Variants in CAPN8 observed in about 807,000 individuals in gnomAD.
CAPN8 encodes the protein calpain-8.
A neutral mutation model predicts 80.9 loss-of-function variants in CAPN8; 87 were observed. That is an observed-to-expected ratio of 1.07 (90% CI 0.90 to 1.28). The LOEUF (loss-of-function observed/expected upper bound fraction) is 1.28. CAPN8 is among the 50% of genes most tolerant of loss of function. The pLI, the probability that CAPN8 is intolerant of heterozygous loss-of-function variation, is 0.00. For missense variants in CAPN8, 757 were observed against 702.0 expected, an observed-to-expected ratio of 1.08 and a Z score of -0.89; for synonymous variants, 299 against 273.8, an observed-to-expected ratio of 1.09 and a Z score of -0.91.
At chr1:223,543,347 A>G (rs945271410) in intron 19 of CAPN8, among the ~76,000 whole-genome samples, 181 bp from the exon 20 acceptor site, 3 of 151,756 alleles carry the variant, frequency 2.0e-5, no homozygotes, top group Admixed American at 6.6e-5. Flanking sequence ...AGGGCACACA[A>G]TGAGCTTTTG....
At chr1:223,633,918 AG>A (rs923009316) in intron 2 of CAPN8, among the ~76,000 whole-genome samples, 4 of 152,232 alleles carry the variant, frequency 2.6e-5, no homozygotes, top group African/African-American at 7.2e-5. Flanking sequence ...GAAAGAAGAA[AG>A]GTCAGACATC....
chr1:223,557,323 G>T (rs1012880000), intron 13 of CAPN8, among the ~76,000 whole-genome samples: 9 of 152,376 alleles, frequency 5.9e-5, no homozygotes, highest in African/African-American at 2.2e-4. Flanking sequence ...TTCAGCCGAA[G>T]ATGCCACGCC....
In CAPN8 at chr1:223,630,745, G is replaced by GCTATCAACCTAAT. The variant is rs543607035; in HGVS notation, c.308-1966_308-1965insATTAGGTTGATAG. 3.6e-3 allele frequency among the ~76,000 whole-genome samples: 545 copies of GCTATCAACCTAAT among 152,276 alleles called. 3 individuals are homozygous for GCTATCAACCTAAT. Among genetic ancestry groups the GCTATCAACCTAAT allele is most frequent in the South Asian group, 0.013 (61 of 4,822 alleles). On this transcript the variant is annotated intron_variant, in intron 2 of 20. Transcript: ENST00000366872. ...AACACTATCTTCCTAATGGCAACAG[G>GCTATCAACCTAAT]GCTCCTAGGTGAGACTAGACCTGGT... is the stretch of plus-strand genomic sequence containing the variant.
intron 18 of CAPN8, 21 bp from the exon 19 acceptor site, chr1:223,544,204 G>A (rs746234445): frequency 9.8e-6 from 7 of 716,952 alleles, no homozygotes; most frequent in Admixed American, 2.0e-5. Context: ...AGGGAGCCTG[G>A]GTCACAGGTA....
intron 14 of CAPN8, among the ~76,000 whole-genome samples, chr1:223,551,543 T>A (rs893371415): frequency 2.0e-5 from 3 of 152,320 alleles, no homozygotes; most frequent in Middle Eastern, 3.4e-3. Context: ...GTGCCATGAG[T>A]GTGGTACACA....
intron 10 of CAPN8, among the ~76,000 whole-genome samples, chr1:223,613,298 GTCAT>G (rs1657082706): frequency 6.6e-6 from 1 of 152,252 alleles, no homozygotes; most frequent in African/African-American, 2.4e-5. Flanking sequence ...CAGGGTCACA[GTCAT>G]TCCTCTAATT....
At chr1:223,554,923 G>T (rs1260955450) in intron 13 of CAPN8, among the ~76,000 whole-genome samples, 1 of 152,210 alleles carries the variant, frequency 6.6e-6, no homozygotes, top group Non-Finnish European at 1.5e-5. Context: ...GCCCAAAATA[G>T]GACAATGCCC....
chr1:223,621,522 G>T (rs937161705), intron 7 of CAPN8, among the ~76,000 whole-genome samples: 4 of 152,054 alleles, frequency 2.6e-5, no homozygotes, highest in African/African-American at 7.2e-5. Context: ...TCAATTTCAC[G>T]TGGCCCTGTC....
At chr1:223,631,803 C>T (rs1182477507) in intron 2 of CAPN8, among the ~76,000 whole-genome samples, 2 of 152,172 alleles carry the variant, frequency 1.3e-5, no homozygotes, top group Non-Finnish European at 2.9e-5. Context: ...GTAGGGCAAG[C>T]ACAGAAGCCC....
intron 2 of CAPN8, among the ~76,000 whole-genome samples, chr1:223,652,642 C>T (rs1458365941): frequency 1.1e-4 from 16 of 152,134 alleles, no homozygotes. Context: ...CCCACCCTGA[C>T]GCTCTGGGTT....
At chr1:223,647,266 A>T (rs142241545) in intron 2 of CAPN8, among the ~76,000 whole-genome samples, 14 of 152,352 alleles carry the variant, frequency 9.2e-5, no homozygotes, top group Non-Finnish European at 1.8e-4. Flanking sequence ...CCCCAAACTC[A>T]TTATGCTAAA....
At chr1:223,648,770 T>A (rs1658263483) in intron 2 of CAPN8, among the ~76,000 whole-genome samples, 1 of 152,014 alleles carries the variant, frequency 6.6e-6, no homozygotes, top group African/African-American at 2.4e-5. Flanking sequence ...GAAAAAGACA[T>A]CCATTTCATA....
At chr1:223,625,648 G>T (rs529755862) in intron 6 of CAPN8, among the ~76,000 whole-genome samples, 157 bp downstream of exon 6, 1 of 152,260 alleles carries the variant, frequency 6.6e-6, no homozygotes, top group South Asian at 2.1e-4. Context: ...GGTGTCAGGG[G>T]TTCTGTACAG....
At chr1:223,620,725 C>T (rs746825348) in intron 7 of CAPN8, among the ~76,000 whole-genome samples, 1 of 152,124 alleles carries the variant, frequency 6.6e-6, no homozygotes, top group Non-Finnish European at 1.5e-5. Context: ...GTCTAACCAG[C>T]TCTGGGGACA....
Position 223,625,770 on chromosome 1 carries a change from A to G in CAPN8, c.813+35T>C, listed in dbSNP as rs1233461520. ...GGCTTGGATTCATGGAAATATTATC[A>G]CACGTTACCTTCCCCACCTTCCACA... On this transcript the variant is annotated intron_variant, in intron 6 of 20. Transcript: ENST00000366872. The G allele has an allele frequency of 6.0e-6, 9 of 1,500,764 alleles. No individual in the cohort carries two copies. The South Asian group carries it at 8.4e-5, about 14-fold the overall frequency. 93.0% of individuals were successfully genotyped at this position (1,500,764 alleles called of 1,614,324 possible).
intron 20 of CAPN8, 135 bp from the exon 21 acceptor site, chr1:223,541,994 G>A (rs993697538): frequency 4.3e-6 from 6 of 1,382,488 alleles, no homozygotes; most frequent in Non-Finnish European, 6.0e-6. Flanking sequence ...TCAAACATGG[G>A]AAGCAAGGAA....
At chr1:223,627,580 C>A (rs1315540331) in intron 4 of CAPN8, among the ~76,000 whole-genome samples, 1 of 152,200 alleles carries the variant, frequency 6.6e-6, no homozygotes, top group Admixed American at 6.5e-5. Context: ...ATTAAAAGAA[C>A]CCCAAAGAAG....
intron 1 of CAPN8, among the ~76,000 whole-genome samples, chr1:223,657,057 A>G (rs1264148527): frequency 6.6e-6 from 1 of 152,192 alleles, no homozygotes. Flanking sequence ...ACTTCATTAA[A>G]AGTACCATAA....
At chr1:223,547,528 C>A (rs1656656665) in intron 16 of CAPN8, among the ~76,000 whole-genome samples, 1 of 152,144 alleles carries the variant, frequency 6.6e-6, no homozygotes, top group Non-Finnish European at 1.5e-5. Context: ...TGACAATGTT[C>A]TAAATTATGT....
Sources: allele counts gnomAD v4.1 joint callset (sites outside exome capture counted in the v4.1 genomes callset), GRCh38; gene constraint gnomAD v4.1.1; transcripts MANE v1.5; gene names NCBI Gene and HGNC (gene_info 2026-07-23, HGNC 2026-07-21).